Variants in NRXN3 observed in about 807,000 individuals in gnomAD.
NRXN3 encodes the protein neurexin III.
NRXN3 carries 32 observed loss-of-function variants against 137.6 expected under a neutral mutation model. The ratio of observed to expected loss-of-function variants is 0.23; its 90% CI spans 0.18 to 0.31. The LOEUF (loss-of-function observed/expected upper bound fraction) is 0.31. NRXN3 is among the 10% of genes least tolerant of loss of function. The pLI is 1.00. For missense variants in NRXN3, 1,574 were observed against 2,062.5 expected, an observed-to-expected ratio of 0.76 and a Z score of 4.59; for synonymous variants, 798 against 784.5, an observed-to-expected ratio of 1.02 and a Z score of -0.29.
At chr14:78,657,816 A>G (rs1048005198) in intron 6 of NRXN3, among the ~76,000 whole-genome samples, 8 of 152,048 alleles carry the variant, frequency 5.3e-5, no homozygotes, top group African/African-American at 1.9e-4. Context: ...GCTTTGGGAT[A>G]ATGTGTTTGT....
In NRXN3 at chr14:79,805,730, T is replaced by C. The variant is rs1285423124; in HGVS notation, c.4093+540T>C. 3.9e-5 allele frequency among the ~76,000 whole-genome samples: 6 copies of C among 152,176 alleles called. No homozygotes were observed. The South Asian group carries it at 1.2e-3, about 32-fold the overall frequency. ...GATTTCAACAGCAGTTAACATGGTA[T>C]TATCTTTGTACTAATTTTGTTAACT... is the stretch of plus-strand genomic sequence containing the variant. On this transcript the variant is annotated intron_variant, in intron 20 of 20. Coordinates refer to ENST00000335750, the MANE Select transcript of NRXN3 (RefSeq NM_001330195.2).
At chr14:79,460,093 A>G (rs1450626369) in intron 15 of NRXN3, among the ~76,000 whole-genome samples, 1 of 152,148 alleles carries the variant, frequency 6.6e-6, no homozygotes, top group Non-Finnish European at 1.5e-5. Flanking sequence ...TGTGTTTGTC[A>G]AAACTCATCA....
intron 1 of NRXN3, among the ~76,000 whole-genome samples, chr14:78,183,485 A>C (rs2059985204): frequency 6.6e-6 from 1 of 152,208 alleles, no homozygotes; most frequent in Non-Finnish European, 1.5e-5. Flanking sequence ...TAGAGCCAGG[A>C]GAAGGAGGCA....
intron 16 of NRXN3, among the ~76,000 whole-genome samples, chr14:79,521,126 C>A (rs2097059990): frequency 1.3e-5 from 2 of 152,076 alleles, no homozygotes; most frequent in South Asian, 4.1e-4. Context: ...AGTTGAAAGT[C>A]TTTGTCTTTT....
chr14:79,612,767 A>T (rs1758793149), intron 16 of NRXN3, among the ~76,000 whole-genome samples: 1 of 152,096 alleles, frequency 6.6e-6, no homozygotes, highest in Admixed American at 6.6e-5. Context: ...GGATCGCTTG[A>T]GCCAGGAGTT....
chr14:79,751,265 T>G (rs1219504820), intron 19 of NRXN3, among the ~76,000 whole-genome samples: 3 of 152,092 alleles, frequency 2.0e-5, no homozygotes, highest in Admixed American at 2.0e-4. Flanking sequence ...GGTTTGTAGT[T>G]CTCCTTGAAG....
chr14:78,315,204 G>T (rs541500683), intron 4 of NRXN3, among the ~76,000 whole-genome samples: 17 of 151,754 alleles, frequency 1.1e-4, no homozygotes, highest in Non-Finnish European at 2.1e-4. Flanking sequence ...TGTTGGCCAG[G>T]CTGGTTTTGA....
intron 10 of NRXN3, among the ~76,000 whole-genome samples, chr14:78,917,706 T>C (rs1202084610): frequency 6.6e-6 from 1 of 152,036 alleles, no homozygotes; most frequent in Non-Finnish European, 1.5e-5. Context: ...CTGTCCTTTG[T>C]GCACAGGTGA....
intron 10 of NRXN3, among the ~76,000 whole-genome samples, chr14:78,943,578 C>A (rs2099357321): frequency 8.4e-6 from 1 of 118,646 alleles, no homozygotes; most frequent in Non-Finnish European, 1.7e-5. Flanking sequence ...CAGGAAAAGT[C>A]TGAAGGTTGA....
chr14:79,402,234 C>G (rs1163737061), intron 15 of NRXN3, among the ~76,000 whole-genome samples: 1 of 152,168 alleles, frequency 6.6e-6, no homozygotes, highest in African/African-American at 2.4e-5. Flanking sequence ...CTTCACCCAG[C>G]CTTTTTTTCT....
At chr14:79,595,777 T>C (rs1378191898) in intron 16 of NRXN3, among the ~76,000 whole-genome samples, 1 of 152,230 alleles carries the variant, frequency 6.6e-6, no homozygotes, top group Non-Finnish European at 1.5e-5. Flanking sequence ...TTACAATTAA[T>C]TTAACATTTC....
intron 15 of NRXN3, among the ~76,000 whole-genome samples, chr14:79,400,167 G>A (rs1274553922): frequency 6.6e-6 from 1 of 152,134 alleles, no homozygotes; most frequent in African/African-American, 2.4e-5. Context: ...GTTCCAGGGG[G>A]ACATTGTTCA....
chr14:78,242,865 T>A lies in NRXN3; in HGVS notation c.-229T>A. The A allele has an allele frequency of 4.2e-6, 2 of 477,152 alleles. No individual in the cohort carries two copies. The highest frequency in any genetic ancestry group is 1.0e-4 in the South Asian group (2 of 20,014). 29.6% of individuals were successfully genotyped at this position (477,152 alleles called of 1,614,324 possible). On this transcript the variant is annotated 5_prime_UTR_variant, in exon 2 of 21. Transcript: ENST00000335750. ...CTCTTCTGCTGGTCCTGTCTTTTTCTACTGCCTCTTTATTCAATTTCTTGC... is the reference window on the plus strand; with the variant it reads ...CTCTTCTGCTGGTCCTGTCTTTTTCAACTGCCTCTTTATTCAATTTCTTGC...
intron 16 of NRXN3, among the ~76,000 whole-genome samples, chr14:79,555,575 G>A (rs1157507485): frequency 6.6e-6 from 1 of 152,076 alleles, no homozygotes; most frequent in African/African-American, 2.4e-5. Flanking sequence ...AGCATAGAGA[G>A]CAGAACCATT....
chr14:78,180,553 C>T lies in NRXN3; in HGVS notation c.-704+9879C>T, dbSNP rs759886442. On this transcript the variant is annotated intron_variant, in intron 1 of 20. Coordinates refer to ENST00000335750, the MANE Select transcript of NRXN3 (RefSeq NM_001330195.2). ...GGAGGTTAACTATCTTGCCTGTGGC[C>T]GCAGAGTTGGTAAATGGTGGAGCTG... 5.3e-4 allele frequency among the ~76,000 whole-genome samples: 80 copies of T among 152,082 alleles called. 1 individual carries two copies. Among genetic ancestry groups the T allele is most frequent in the Non-Finnish European group, 1.5e-4 (10 of 68,016 alleles).
rs149279459 is a variant in NRXN3, at chr14:79,649,009, T to C, written c.3445-14769T>C. Among the ~76,000 whole-genome samples the C allele has an allele frequency of 2.2e-3, 328 of 152,306 alleles. 2 individuals are homozygous for C. The highest frequency in any genetic ancestry group is 7.5e-3 in the African/African-American group (311 of 41,578). On this transcript the variant is annotated intron_variant, in intron 16 of 20. Transcript: ENST00000335750. ...AAGCGATGCATCCATGTTTGAGGAT[T>C]TGGGAAGCATTTTTCTGTATTCTTT...
At chr14:78,838,080 T>C (rs1314220453) in intron 10 of NRXN3, among the ~76,000 whole-genome samples, 3 of 152,296 alleles carry the variant, frequency 2.0e-5, no homozygotes, top group Non-Finnish European at 4.4e-5. Flanking sequence ...GAGGATAAAA[T>C]AGAAATAGTA....
chr14:78,787,121 C>G (rs2098791391), intron 8 of NRXN3, among the ~76,000 whole-genome samples: 1 of 152,120 alleles, frequency 6.6e-6, no homozygotes, highest in Admixed American at 6.6e-5. Flanking sequence ...ATATCTTAGA[C>G]AACATAATTT....
chr14:79,732,944 A>G (rs1053872359), intron 19 of NRXN3, among the ~76,000 whole-genome samples: 2 of 152,208 alleles, frequency 1.3e-5, no homozygotes, highest in Non-Finnish European at 2.9e-5. Flanking sequence ...GAAGATGTTC[A>G]GATTTATATT....
Sources: allele counts gnomAD v4.1 joint callset (sites outside exome capture counted in the v4.1 genomes callset), GRCh38; gene constraint gnomAD v4.1.1; transcripts MANE v1.5; gene names NCBI Gene and HGNC (gene_info 2026-07-23, HGNC 2026-07-21).